SMARCA4: variants seen among roughly 807,000 people sequenced by gnomAD.
SMARCA4 encodes SWI/SNF related BAF chromatin remodeling complex subunit ATPase 4, also known as SWI/SNF-related matrix-associated actin-dependent regulator of chromatin subfamily A member 4.
Under a neutral mutation model 193.9 loss-of-function variants are expected in SMARCA4, and 31 were observed. The ratio of observed to expected loss-of-function variants is 0.16; its 90% CI spans 0.12 to 0.22. The LOEUF is 0.22. Ranked by LOEUF, SMARCA4 falls within the 10% of genes least tolerant of loss-of-function variation. The pLI is 1.00. For synonymous variants in SMARCA4, 942 were observed against 933.1 expected (o/e 1.01, Z -0.17); for missense variants, 1,148 against 2,296.0 (o/e 0.50, Z 10.22).
intron 30 of SMARCA4, among the ~76,000 whole-genome samples, chr19:11,043,274 G>A (rs1486524641): frequency 6.6e-6 from 1 of 152,154 alleles, no homozygotes; most frequent in African/African-American, 2.4e-5. Context: ...GGGGGACAGA[G>A]TGAGACTCCG....
intron 16 of SMARCA4, among the ~76,000 whole-genome samples, chr19:11,018,693 C>T (rs2146353640): frequency 6.6e-6 from 1 of 152,382 alleles, no homozygotes; most frequent in Non-Finnish European, 1.5e-5. Flanking sequence ...CCCATCACAT[C>T]TCTGTGTCCC....
At chr19:11,003,257 T>G in intron 12 of SMARCA4, 83 bp from the exon 13 acceptor site, 1 of 1,605,274 alleles carries the variant, frequency 6.2e-7, no homozygotes, top group Non-Finnish European at 8.5e-7. Context: ...TACTTCTGTT[T>G]GAATTCCCGG....
At chr19:11,010,262 A>G (rs2088692978) in intron 14 of SMARCA4, 119 bp from the exon 15 acceptor site, 1 of 1,137,870 alleles carries the variant, frequency 8.8e-7, no homozygotes, top group Non-Finnish European at 1.3e-6. Context: ...TGTGTCTTAC[A>G]GTGCTGGCCA....
chr19:10,984,463 G>A lies in SMARCA4; in HGVS notation c.222+90G>A, dbSNP rs1411211614. On this transcript the variant is annotated intron_variant, in intron 2 of 34. Coordinates refer to ENST00000344626, the MANE Select transcript of SMARCA4 (RefSeq NM_003072.5). The surrounding 1 kb of genome is among the most constrained non-coding windows in gnomAD (Gnocchi z 4.3). Reference sequence around the variant, plus strand: ...GGACCGAGGGCCTTACTTGGAGGATGGGGGGAAGCCTTCTTGTTGGAGGTG... The same window carrying A: ...GGACCGAGGGCCTTACTTGGAGGATAGGGGGAAGCCTTCTTGTTGGAGGTG... 2 of 1,546,606 alleles carry A rather than the reference G, an allele frequency of 1.3e-6. No homozygotes were observed. Among genetic ancestry groups the A allele is most frequent in the Admixed American group, 2.0e-5 (1 of 50,944 alleles).
Position 11,034,030 on chromosome 19 carries a change from C to A in SMARCA4, c.3874-93C>A. 2.1e-6 allele frequency: 2 copies of A among 950,684 alleles called. No homozygotes were observed. Among genetic ancestry groups the A allele is most frequent in the Non-Finnish European group, 3.5e-6 (2 of 579,354 alleles). The allele number at this position is 950,684 out of a possible 1,614,324, so 58.9% of individuals were successfully genotyped here. A position where few individuals can be genotyped will look rare whatever the true frequency, so the allele number is the denominator to read the frequency against. Reference sequence around the variant, plus strand: ...ACCGCAGCCGTGCCGGGACCACCAGCTCATTCCCACGGACGCCGCCGCTCG... The same window carrying A: ...ACCGCAGCCGTGCCGGGACCACCAGATCATTCCCACGGACGCCGCCGCTCG... On this transcript the variant is annotated intron_variant, in intron 27 of 34. Coordinates refer to ENST00000344626, the MANE Select transcript of SMARCA4 (RefSeq NM_003072.5). The surrounding 1 kb of genome is among the most constrained non-coding windows in gnomAD (Gnocchi z 7.0).
intron 24 of SMARCA4, 91 bp downstream of exon 24, chr19:11,028,041 G>T (rs1468351955): frequency 7.1e-7 from 1 of 1,416,210 alleles, no homozygotes; most frequent in Non-Finnish European, 1.0e-6. Context: ...CTGTGAGGCA[G>T]GGTGAGGCCC....
intron 30 of SMARCA4, among the ~76,000 whole-genome samples, chr19:11,048,532 C>T (rs571619011): frequency 9.8e-5 from 15 of 152,320 alleles, no homozygotes; most frequent in African/African-American, 2.9e-4. Flanking sequence ...AGAGTGAACA[C>T]GGGACGTTGT....
At chr19:10,976,799 A>G (rs1351031832) in intron 1 of SMARCA4, among the ~76,000 whole-genome samples, 1 of 148,556 alleles carries the variant, frequency 6.7e-6, no homozygotes, top group Non-Finnish European at 1.5e-5. Context: ...TCTCATCTGT[A>G]ATCCTAGCAC....
Position 11,019,267 on chromosome 19 carries a change from A to T in SMARCA4, c.2505+244A>T, listed in dbSNP as rs992188800. ...GCATGGTGGCCAGCACTCAGAGGCC[A>T]GCTCAGGCGCCTGAGATGGGGACCC... is the stretch of plus-strand genomic sequence containing the variant. On this transcript the variant is annotated intron_variant, in intron 17 of 34. Transcript: ENST00000344626. The surrounding 1 kb of genome is among the most constrained non-coding windows in gnomAD (Gnocchi z 6.1). 3 of 616,494 alleles carry T rather than the reference A, an allele frequency of 4.9e-6. No individual in the cohort carries two copies. In the African/African-American group the frequency reaches 5.5e-5, roughly 11 times the overall value. 38.2% of individuals were successfully genotyped at this position (616,494 alleles called of 1,614,324 possible). A position where few individuals can be genotyped will look rare whatever the true frequency, so the allele number is the denominator to read the frequency against.
chr19:11,044,610 A>G (rs561020896), intron 30 of SMARCA4, among the ~76,000 whole-genome samples: 21 of 152,362 alleles, frequency 1.4e-4, no homozygotes, highest in African/African-American at 5.0e-4. Context: ...CACCCGCCCC[A>G]GAACGGCCGA....
At chr19:10,988,382 C>T (rs1336162694) in intron 6 of SMARCA4, among the ~76,000 whole-genome samples, 2 of 152,168 alleles carry the variant, frequency 1.3e-5, no homozygotes, top group African/African-American at 4.8e-5. Context: ...GCTGGGATTA[C>T]AGGCATGAGC....
At chr19:11,020,587 A>G (rs975561408) in intron 18 of SMARCA4, 4 of 151,566 alleles carry the variant, frequency 2.6e-5, no homozygotes, top group African/African-American at 9.7e-5. Flanking sequence ...ACTTTTTTAA[A>G]TTTATTTTTT....
rs148051989 is a variant in SMARCA4, at chr19:11,008,830, T to C, written c.2123+807T>C. Reference sequence around the variant, plus strand: ...CTCTACTAAAAATACAAAAATTAGCTGGGCGTGGTGGCGTGCACCTGGAGT... The same window carrying C: ...CTCTACTAAAAATACAAAAATTAGCCGGGCGTGGTGGCGTGCACCTGGAGT... On this transcript the variant is annotated intron_variant, in intron 14 of 34. Coordinates refer to ENST00000344626, the MANE Select transcript of SMARCA4 (RefSeq NM_003072.5). Among the ~76,000 whole-genome samples the C allele has an allele frequency of 3.4e-3, 520 of 151,676 alleles. 1 individual carries two copies. The highest frequency in any genetic ancestry group is 0.012 in the African/African-American group (497 of 41,368).
intron 24 of SMARCA4, among the ~76,000 whole-genome samples, chr19:11,029,630 G>A (rs958683878): frequency 4.6e-5 from 7 of 152,340 alleles, no homozygotes; most frequent in East Asian, 3.9e-4. Context: ...CTTCTGCACC[G>A]TGCCTGGGCA....
At chr19:11,059,936 C>A (rs2076763374) in intron 33 of SMARCA4, 51 bp downstream of exon 33, 1 of 1,613,448 alleles carries the variant, frequency 6.2e-7, no homozygotes, top group Non-Finnish European at 8.5e-7. Context: ...GCCCGAGAGC[C>A]CCCAAGGCCC....
At chr19:11,059,138 T>A (rs1254811149) in intron 32 of SMARCA4, 1 of 477,256 alleles carries the variant, frequency 2.1e-6, no homozygotes, top group East Asian at 3.7e-5. Context: ...ATTAAAAATT[T>A]CCAACTTGGG....
rs751743675 is a variant in SMARCA4 at position 11,024,339 on chromosome 19, C to T, written c.2982C>T (p.Tyr994=). ...TTATGTGTCCCCTGCAGGTGGAGTA[C>T]GTCATCAAGTGCGACATGTCTGCGC... ...VEAQLPEKVE[Y]VIKCDMSALQ... is the part of the protein sequence containing the mutation. Residue 994 remains tyrosine, a synonymous_variant, in exon 21 of 35, where the codon TAC becomes TAT. Transcript: ENST00000344626. 6.2e-6 allele frequency: 10 copies of T among 1,611,166 alleles called. No homozygotes were observed. Among genetic ancestry groups the T allele is most frequent in the South Asian group, 3.3e-5 (3 of 91,050 alleles).
At chr19:11,037,621 A>G (rs554759565) in intron 29 of SMARCA4, among the ~76,000 whole-genome samples, 1 of 152,360 alleles carries the variant, frequency 6.6e-6, no homozygotes. Context: ...CCGTTGAAGC[A>G]CAGAAGTGTT....
Position 10,961,796 on chromosome 19 carries a change from A to T in SMARCA4, c.-32+622A>T, listed in dbSNP as rs374970704. ...ATGTTTGCCCGAATTGGGGTTGGGG[A>T]TGGGGTCGGCGGCAAGTAGGGGAGC... On this transcript the variant is annotated intron_variant, in intron 1 of 34. Coordinates refer to ENST00000344626, the MANE Select transcript of SMARCA4 (RefSeq NM_003072.5). 128 of 152,238 alleles carry T rather than the reference A, an allele frequency of 8.4e-4. 1 individual carries two copies. The highest frequency in any genetic ancestry group is 2.8e-3 in the African/African-American group (117 of 41,524). 9.4% of individuals were successfully genotyped at this position (152,238 alleles called of 1,614,324 possible). A position where few individuals can be genotyped will look rare whatever the true frequency, so the allele number is the denominator to read the frequency against.
Sources: allele counts gnomAD v4.1 joint callset (sites outside exome capture counted in the v4.1 genomes callset), GRCh38; gene constraint gnomAD v4.1.1; non-coding constraint Gnocchi (gnomAD v3.1); transcripts MANE v1.5; gene names NCBI Gene and HGNC (gene_info 2026-07-23, HGNC 2026-07-21).